ADAMTS18: variants seen among roughly 807,000 people sequenced by gnomAD.
The protein encoded by ADAMTS18 is ADAM metallopeptidase with thrombospondin type 1 motif 18, also known as A disintegrin and metalloproteinase with thrombospondin motifs 18.
In ADAMTS18, 157 loss-of-function variants were observed where a neutral mutation model predicts 165.9. The observed-to-expected ratio is 0.95, with a 90% CI of 0.83 to 1.08. The LOEUF (loss-of-function observed/expected upper bound fraction) is 1.08, where lower values mean the gene tolerates loss of function less well. Ranked by LOEUF, ADAMTS18 falls within the 50% of genes least tolerant of loss-of-function variation. The pLI, the probability that ADAMTS18 is intolerant of heterozygous loss-of-function variation, is 0.00. For synonymous variants in ADAMTS18, 782 were observed against 578.2 expected, an observed-to-expected ratio of 1.35 and a Z score of -5.06; for missense variants, 2,040 against 1,534.0, an observed-to-expected ratio of 1.33 and a Z score of -5.51.
chr16:77,397,726 G>A (rs1406927805), intron 3 of ADAMTS18, among the ~76,000 whole-genome samples: 1 of 152,336 alleles, frequency 6.6e-6, no homozygotes, highest in East Asian at 1.9e-4. Flanking sequence ...AAAAAATGTT[G>A]AGTAAGTTGC....
intron 12 of ADAMTS18, among the ~76,000 whole-genome samples, chr16:77,330,908 G>C (rs1427907427): frequency 6.6e-6 from 1 of 152,150 alleles, no homozygotes; most frequent in Non-Finnish European, 1.5e-5. Context: ...AAGCAAGAAA[G>C]AAATCCATAA....
chr16:77,423,929 T>C (rs2144853853), intron 3 of ADAMTS18, among the ~76,000 whole-genome samples: 1 of 152,288 alleles, frequency 6.6e-6, no homozygotes, highest in South Asian at 2.1e-4. Context: ...GTGTGTGTTG[T>C]GGGTGACTTC....
rs868284438 is a variant in ADAMTS18 at position 77,295,046 on chromosome 16, CTT to C, written c.2881_2882del (p.Lys961GlufsTer54). The C allele has an allele frequency of 6.2e-7, 1 of 1,614,182 alleles. No homozygotes were observed. Among genetic ancestry groups the C allele is most frequent in the South Asian group, 1.1e-5 (1 of 91,078 alleles). ...QQSRKIQCVQ[K>X]KPFQKEEAVL... is the part of the protein sequence containing the mutation. ...CTGCTTCCTCCTTTTGGAAGGGCTTCTTTTGCACACACTGGATCTTTCGGCTC... is the reference window on the plus strand; with the variant it reads ...CTGCTTCCTCCTTTTGGAAGGGCTTCTTGCACACACTGGATCTTTCGGCTC... On this transcript the variant is annotated frameshift_variant, in exon 19 of 23. Transcript: ENST00000282849. LOFTEE classifies it high-confidence loss of function.
intron 13 of ADAMTS18, among the ~76,000 whole-genome samples, chr16:77,325,229 A>G (rs1328308942): frequency 6.6e-6 from 1 of 152,248 alleles, no homozygotes; most frequent in Non-Finnish European, 1.5e-5. Context: ...TGAAACAACT[A>G]GGATGATGAC....
intron 3 of ADAMTS18, among the ~76,000 whole-genome samples, chr16:77,430,919 T>C (rs570714593): frequency 3.3e-4 from 50 of 152,276 alleles, no homozygotes; most frequent in Middle Eastern, 3.4e-3. Context: ...CGCATTGAAA[T>C]ACAGTTTTCC....
At chr16:77,362,700 A>ATC in intron 6 of ADAMTS18, among the ~76,000 whole-genome samples, 1 of 152,336 alleles carries the variant, frequency 6.6e-6, no homozygotes, top group African/African-American at 2.4e-5. Context: ...CAATCAATAT[A>ATC]ATGAAAATTC....
At chr16:77,364,079 C>A in intron 5 of ADAMTS18, 109 bp downstream of exon 5, 1 of 1,445,510 alleles carries the variant, frequency 6.9e-7, no homozygotes. Context: ...GCAGAAACTG[C>A]AATTACATTT....
At chr16:77,421,220 A>T (rs1017933118) in intron 3 of ADAMTS18, among the ~76,000 whole-genome samples, 5 of 152,208 alleles carry the variant, frequency 3.3e-5, no homozygotes, top group African/African-American at 1.2e-4. Context: ...CATCAAAAGC[A>T]TCCCTTCAGG....
intron 14 of ADAMTS18, among the ~76,000 whole-genome samples, 192 bp from the exon 15 acceptor site, chr16:77,321,394 A>G (rs274520): frequency 0.94 from 143,481 of 152,230 alleles, 67,690 homozygotes; most frequent in African/African-American, 0.97. Context: ...TAGATGACTG[A>G]GCAAGTTGTA....
intron 3 of ADAMTS18, among the ~76,000 whole-genome samples, chr16:77,386,890 G>T (rs767420275): frequency 3.3e-5 from 5 of 152,148 alleles, no homozygotes; most frequent in Non-Finnish European, 7.3e-5. Flanking sequence ...TGTGAAATCT[G>T]TGAGTCTGCA....
At chr16:77,286,467 TG>T (rs1373346982) in intron 22 of ADAMTS18, among the ~76,000 whole-genome samples, 1 of 152,142 alleles carries the variant, frequency 6.6e-6, no homozygotes, top group African/African-American at 2.4e-5. Context: ...ACTAAAGACA[TG>T]TGTGAAAAAT....
intron 22 of ADAMTS18, among the ~76,000 whole-genome samples, chr16:77,287,514 AAAGCCCAGGCTGGAGTGCAG>A (rs2055276971): frequency 6.6e-6 from 1 of 152,084 alleles, no homozygotes; most frequent in Non-Finnish European, 1.5e-5. Context: ...GGTCTCAAAA[AAAGCCCAGGCTGGAGTGCAG>A]TGGTGCAATC....
At chr16:77,301,116 G>T (rs1051655295) in intron 16 of ADAMTS18, among the ~76,000 whole-genome samples, 9 of 152,078 alleles carry the variant, frequency 5.9e-5, no homozygotes, top group Admixed American at 5.2e-4. Context: ...CTCCAAAAAG[G>T]CAACAACTTA....
chr16:77,398,439 G>T (rs764174640), intron 3 of ADAMTS18, among the ~76,000 whole-genome samples: 2 of 152,148 alleles, frequency 1.3e-5, no homozygotes, highest in Non-Finnish European at 2.9e-5. Flanking sequence ...GAAACGGAGG[G>T]CTTCCAGAAG....
intron 3 of ADAMTS18, among the ~76,000 whole-genome samples, chr16:77,428,724 A>G (rs1203894935): frequency 6.6e-6 from 1 of 152,186 alleles, no homozygotes; most frequent in Non-Finnish European, 1.5e-5. Context: ...ATGACACTCA[A>G]AGAAAATCCT....
chr16:77,304,180 C>A (rs1487164546), intron 16 of ADAMTS18, among the ~76,000 whole-genome samples: 1 of 152,138 alleles, frequency 6.6e-6, no homozygotes, highest in East Asian at 1.9e-4. Flanking sequence ...GAAGAAGACA[C>A]AAAGCAACAA....
rs149992473 is a variant in ADAMTS18 at position 77,394,736 on chromosome 16, T to A, written c.496-27013A>T. 5.8e-3 allele frequency among the ~76,000 whole-genome samples: 891 copies of A among 152,352 alleles called. 8 individuals carry two copies. Among genetic ancestry groups the A allele is most frequent in the Middle Eastern group, 0.027 (8 of 294 alleles). ...TAGCATAAAAAGCAGGCAATTCTTATATTTTTGGAATTCTACAACCCGATA... is the reference window on the plus strand; with the variant it reads ...TAGCATAAAAAGCAGGCAATTCTTAAATTTTTGGAATTCTACAACCCGATA... On this transcript the variant is annotated intron_variant, in intron 3 of 22. Coordinates refer to ENST00000282849, the MANE Select transcript of ADAMTS18 (RefSeq NM_199355.4).
chr16:77,367,722 G>A lies in ADAMTS18; in HGVS notation c.497C>T (p.Ser166Leu). The A allele has an allele frequency of 5.6e-6, 9 of 1,614,150 alleles. No individual in the cohort carries two copies. The highest frequency in any genetic ancestry group is 7.6e-6 in the Non-Finnish European group (9 of 1,180,018). Residue 166 changes from serine to leucine, a missense_variant and splice_region_variant, in exon 4 of 23, where the codon TCA (serine) becomes TTA (leucine). By Grantham distance (145) the Ser-to-Leu change is moderately radical (BLOSUM62 -2). Coordinates refer to ENST00000282849, the MANE Select transcript of ADAMTS18 (RefSeq NM_199355.4). ...SVAVSTCAGL[S>L]GLIRTRKNEF... Reference sequence around the variant, plus strand: ...ATTTTTTCGTGTCCTTATTAAACCTGACTAAAAAGCCAAACACAAAGCAAA... The same window carrying A: ...ATTTTTTCGTGTCCTTATTAAACCTAACTAAAAAGCCAAACACAAAGCAAA...
chr16:77,354,521 A>C (rs1196837753), intron 9 of ADAMTS18, among the ~76,000 whole-genome samples: 1 of 152,042 alleles, frequency 6.6e-6, no homozygotes, highest in Non-Finnish European at 1.5e-5. Context: ...TATTCTTAGC[A>C]CCTTATCTCC....
Sources: allele counts gnomAD v4.1 joint callset (sites outside exome capture counted in the v4.1 genomes callset), GRCh38; gene constraint gnomAD v4.1.1; transcripts MANE v1.5; gene names NCBI Gene and HGNC (gene_info 2026-07-23, HGNC 2026-07-21).